Variants in N4BP2L2 observed in about 807,000 individuals in gnomAD.
The protein encoded by N4BP2L2 is NEDD4 binding protein 2 like 2.
Under a neutral mutation model 56.2 loss-of-function variants are expected in N4BP2L2, and 50 were observed. That is an observed-to-expected ratio of 0.89 (90% CI 0.71 to 1.13). The LOEUF is 1.13. N4BP2L2 is among the 50% of genes most tolerant of loss of function. The pLI is 0.00. For missense variants in N4BP2L2, 689 were observed against 693.8 expected (o/e 0.99, Z 0.08); for synonymous variants, 203 against 223.6 (o/e 0.91, Z 0.82).
intron 6 of N4BP2L2, among the ~76,000 whole-genome samples, chr13:32,484,429 A>G (rs1264075738): frequency 6.6e-6 from 1 of 152,200 alleles, no homozygotes; most frequent in African/African-American, 2.4e-5. Flanking sequence ...ATATAGCTAA[A>G]GGTTTTTCAT....
At chr13:32,487,696 T>A (rs999283929) in intron 6 of N4BP2L2, among the ~76,000 whole-genome samples, 2 of 151,538 alleles carry the variant, frequency 1.3e-5, no homozygotes, top group African/African-American at 4.8e-5. Context: ...AAGAAAGAGG[T>A]TATTGTAGGA....
chr13:32,535,884 T>C (rs751001654), exon 2 of N4BP2L2: 1 of 1,614,152 alleles, frequency 6.2e-7, no homozygotes, highest in Non-Finnish European at 8.5e-7. Flanking sequence ...TCTGTTCCAT[T>C]ATGCTTGTCC....
rs551487275 is a variant in N4BP2L2 at position 32,521,702 on chromosome 13, G to A, written c.1474-253C>T. 66 of 357,826 alleles carry A rather than the reference G, an allele frequency of 1.8e-4. No individual in the cohort carries two copies. In the South Asian group the frequency reaches 2.6e-3, roughly 14 times the overall value. The allele number at this position is 357,826 out of a possible 1,614,324, so 22.2% of individuals were successfully genotyped here. ...AAGTCAAAACAATATGAGGCTGGGC[G>A]TGGTGGCTCATGCCTGTAATCCCAG... On this transcript the variant is annotated intron_variant, in intron 4 of 5. Transcript: ENST00000267068.
At chr13:32,444,045 G>C (rs2076675730) in exon 7 of N4BP2L2, 1 of 1,596,574 alleles carries the variant, frequency 6.3e-7, no homozygotes, top group East Asian at 2.3e-5. Flanking sequence ...TATTCTGACT[G>C]TTCTGCTTTT....
intron 6 of N4BP2L2, among the ~76,000 whole-genome samples, chr13:32,491,278 C>T (rs1222891269): frequency 2.0e-5 from 3 of 151,992 alleles, no homozygotes; most frequent in South Asian, 2.1e-4. Context: ...CTATTACATG[C>T]TCATGATGAA....
rs186949028 is a variant in N4BP2L2, at chr13:32,436,433, A to G, written c.2191-28T>C. 60 of 1,029,338 alleles carry G rather than the reference A, an allele frequency of 5.8e-5. 1 individual carries two copies. In the Admixed American group the frequency reaches 8.9e-4, roughly 15 times the overall value. The allele number at this position is 1,029,338 out of a possible 1,614,324, so 63.8% of individuals were successfully genotyped here. ...AGAAATTATAATTAAAATACATAAA[A>G]TATTAATATTTGGCATTGGAGTTAA... On this transcript the variant is annotated intron_variant, in intron 8 of 9. Coordinates refer to the N4BP2L2 transcript ENST00000357505.
intron 6 of N4BP2L2, among the ~76,000 whole-genome samples, chr13:32,479,968 T>G (rs1218488167): frequency 2.0e-5 from 3 of 151,928 alleles, no homozygotes; most frequent in Non-Finnish European, 4.4e-5. Flanking sequence ...GATTTATCAC[T>G]GATAAATTTC....
At chr13:32,489,958 T>C (rs1055411752) in intron 6 of N4BP2L2, 3 of 152,186 alleles carry the variant, frequency 2.0e-5, no homozygotes, top group African/African-American at 7.2e-5. Context: ...CTCTTAATAA[T>C]TGTTTAAGCC....
At chr13:32,445,329 T>A (rs2076896286) in intron 6 of N4BP2L2, among the ~76,000 whole-genome samples, 1 of 152,220 alleles carries the variant, frequency 6.6e-6, no homozygotes, top group African/African-American at 2.4e-5. Flanking sequence ...TATTATAATC[T>A]CATGGGACCA....
At chr13:32,442,516 G>A (rs1487882297) in exon 7 of N4BP2L2, 4 of 1,613,654 alleles carry the variant, frequency 2.5e-6, no homozygotes, top group Non-Finnish European at 3.4e-6. Context: ...TAATTCCTTA[G>A]GTTCTTCCCA....
chr13:32,452,127 T>C (rs913963656), intron 6 of N4BP2L2, among the ~76,000 whole-genome samples: 11 of 150,692 alleles, frequency 7.3e-5, no homozygotes, highest in African/African-American at 2.4e-4. Flanking sequence ...AATGGTGCAA[T>C]CTTGGCTCAT....
At chr13:32,516,080 G>C (rs1225126711) in exon 6 of N4BP2L2, 2 of 152,226 alleles carry the variant, frequency 1.3e-5, no homozygotes, top group East Asian at 1.9e-4. Flanking sequence ...AGTTTATGAA[G>C]ACAGACAGAA....
intron 6 of N4BP2L2, among the ~76,000 whole-genome samples, chr13:32,489,870 C>T (rs2086681913): frequency 6.6e-6 from 1 of 151,562 alleles, no homozygotes; most frequent in Non-Finnish European, 1.5e-5. Flanking sequence ...GAAAAATGTA[C>T]AGCTAAATAT....
chr13:32,522,435 G>T, intron 3 of N4BP2L2, 165 bp from the exon 4 acceptor site: 1 of 425,078 alleles, frequency 2.4e-6, no homozygotes, highest in Non-Finnish European at 4.0e-6. Flanking sequence ...TAGATTGAAA[G>T]GGAATTAAAG....
At chr13:32,440,348 T>C (rs2076122348) in intron 7 of N4BP2L2, among the ~76,000 whole-genome samples, 1 of 152,228 alleles carries the variant, frequency 6.6e-6, no homozygotes, top group African/African-American at 2.4e-5. Flanking sequence ...TTTGGCCTCT[T>C]GAGTCTTACA....
At chr13:32,538,329 A>T (rs143610700) in intron 1 of N4BP2L2, among the ~76,000 whole-genome samples, 99 of 152,314 alleles carry the variant, frequency 6.5e-4, no homozygotes, top group African/African-American at 2.3e-3. Flanking sequence ...AGTCCCGAAG[A>T]AAAGCAACCG....
intron 6 of N4BP2L2, among the ~76,000 whole-genome samples, chr13:32,499,058 G>A (rs1566130674): frequency 1.3e-5 from 2 of 149,520 alleles, no homozygotes; most frequent in South Asian, 4.2e-4. Flanking sequence ...ATACATTACC[G>A]TTTCTTGCCT....
At chr13:32,448,738 GA>G (rs2077415781) in intron 6 of N4BP2L2, among the ~76,000 whole-genome samples, 1 of 152,084 alleles carries the variant, frequency 6.6e-6, no homozygotes, top group East Asian at 1.9e-4. Flanking sequence ...GGGGGGGCCA[GA>G]AAAAAACATT....
chr13:32,461,927 A>G lies in N4BP2L2; in HGVS notation c.366-17801T>C, dbSNP rs557416714. Among the ~76,000 whole-genome samples the G allele has an allele frequency of 4.2e-3, 634 of 152,306 alleles. 6 individuals are homozygous for G. Among genetic ancestry groups the G allele is most frequent in the African/African-American group, 0.014 (587 of 41,564 alleles). On this transcript the variant is annotated intron_variant, in intron 6 of 9. Coordinates refer to the N4BP2L2 transcript ENST00000357505. ...ACAGAATGACTGTTATTAAAAAGAC[A>G]AAAAAATAAAGTAACAGATGCTGGG...
Sources: gnomAD v4.1 joint callset for allele counts (sites outside exome capture counted in the v4.1 genomes callset) on GRCh38, gnomAD v4.1.1 for gene constraint, MANE v1.5 for transcripts, NCBI Gene and HGNC (gene_info 2026-07-23, HGNC 2026-07-21) for gene names.